USP25: variants seen among roughly 807,000 people sequenced by gnomAD.
The protein encoded by USP25 is ubiquitin specific peptidase 25, also known as ubiquitin carboxyl-terminal hydrolase 25.
Under a neutral mutation model 158.5 loss-of-function variants are expected in USP25, and 85 were observed. The ratio of observed to expected loss-of-function variants is 0.54; its 90% CI spans 0.45 to 0.64. The LOEUF is 0.64. Ranked by LOEUF, USP25 falls within the 30% of genes least tolerant of loss-of-function variation. USP25 has a pLI of 0.00. For synonymous variants in USP25, 464 were observed against 460.4 expected (o/e 1.01, Z -0.10); for missense variants, 1,242 against 1,327.3 (o/e 0.94, Z 1.00).
At chr21:15,796,712 T>C (rs994093812) in intron 5 of USP25, among the ~76,000 whole-genome samples, 13 of 151,426 alleles carry the variant, frequency 8.6e-5, no homozygotes, top group African/African-American at 3.1e-4. Flanking sequence ...TCTCCCTGCC[T>C]GCCAGAGCAA....
At position 15,877,786 on chromosome 21, in the gene USP25, T is replaced by C; in HGVS notation, c.3010-10T>C. On this transcript the variant is annotated splice_polypyrimidine_tract_variant and intron_variant, in intron 24 of 25. Transcript: ENST00000400183. ...AACCTATTCTTTTTTTTTTCCTGCA[T>C]TGCATTAAGAAATTAAATGAGCAAG... 1 of 1,577,240 alleles carries C rather than the reference T, an allele frequency of 6.3e-7. No homozygotes were observed. Among genetic ancestry groups the C allele is most frequent in the Non-Finnish European group, 8.6e-7 (1 of 1,164,284 alleles).
At chr21:15,827,303 T>C (rs1352129775) in intron 14 of USP25, 100 bp downstream of exon 14, 1 of 1,011,666 alleles carries the variant, frequency 9.9e-7, no homozygotes, top group South Asian at 1.7e-5. Flanking sequence ...TATTTAAATA[T>C]TATAGTCATT....
chr21:15,741,230 A>C (rs996301053), intron 1 of USP25, among the ~76,000 whole-genome samples: 2 of 150,530 alleles, frequency 1.3e-5, no homozygotes, highest in African/African-American at 4.9e-5. Context: ...TCTTTTTACT[A>C]TGGAGTAATA....
At chr21:15,841,499 T>G (rs560154037) in intron 17 of USP25, among the ~76,000 whole-genome samples, 1 of 152,216 alleles carries the variant, frequency 6.6e-6, no homozygotes, top group African/African-American at 2.4e-5. Context: ...ATATTATTCT[T>G]TTTTTTGAAT....
intron 14 of USP25, among the ~76,000 whole-genome samples, 177 bp from the exon 15 acceptor site, chr21:15,830,354 T>C (rs2037736100): frequency 6.6e-6 from 1 of 152,180 alleles, no homozygotes; most frequent in Non-Finnish European, 1.5e-5. Flanking sequence ...ACTGTGTCTT[T>C]TATTAAGAAT....
At position 15,831,259 on chromosome 21, in the gene USP25, T is replaced by G. The variant is rs1196612170; in HGVS notation, c.1765-142T>G. ...TTATAGTTTAGTTTTTTTCAAACTT[T>G]TAAGCCCAGCCAGTTCTCTCTCATT... On this transcript the variant is annotated intron_variant, in intron 15 of 25. Coordinates refer to ENST00000400183, the MANE Select transcript of USP25 (RefSeq NM_001283041.3). The G allele has an allele frequency of 5.6e-6, 4 of 714,572 alleles. No individual in the cohort carries two copies. In the African/African-American group the frequency reaches 7.2e-5, roughly 13 times the overall value. 44.3% of individuals were successfully genotyped at this position (714,572 alleles called of 1,614,324 possible).
intron 22 of USP25, 103 bp from the exon 23 acceptor site, chr21:15,869,965 A>G (rs996961763): frequency 3.9e-5 from 31 of 790,826 alleles, no homozygotes; most frequent in South Asian, 1.0e-4. Context: ...CTTTATTTCT[A>G]TTAATTCAGA....
intron 5 of USP25, among the ~76,000 whole-genome samples, chr21:15,797,149 G>C (rs890134867): frequency 2.0e-5 from 3 of 151,266 alleles, no homozygotes; most frequent in African/African-American, 7.3e-5. Flanking sequence ...CTTTGGATAT[G>C]GTGAGTAGTA....
At chr21:15,866,224 C>A in intron 21 of USP25, 42 bp from the exon 22 acceptor site, 2 of 1,268,290 alleles carry the variant, frequency 1.6e-6, no homozygotes, top group East Asian at 2.6e-5. Flanking sequence ...TATATATACA[C>A]ACACATACAC....
chr21:15,793,238 A>G (rs146098848), intron 5 of USP25, among the ~76,000 whole-genome samples: 37 of 151,732 alleles, frequency 2.4e-4, no homozygotes, highest in African/African-American at 8.9e-4. Context: ...GTATTTGTAA[A>G]TAATATTGTT....
chr21:15,815,627 G>A (rs1276833535), intron 9 of USP25, among the ~76,000 whole-genome samples: 1 of 152,108 alleles, frequency 6.6e-6, no homozygotes, highest in African/African-American at 2.4e-5. Flanking sequence ...CTGCCCTGTT[G>A]GATTTCAGAC....
chr21:15,857,970 T>C (rs2039238513), intron 20 of USP25, among the ~76,000 whole-genome samples: 1 of 151,920 alleles, frequency 6.6e-6, no homozygotes, highest in Admixed American at 6.6e-5. Context: ...AAATCCCTTA[T>C]CAGGGATTTA....
At chr21:15,800,917 T>G (rs1337606643) in intron 6 of USP25, among the ~76,000 whole-genome samples, 1 of 151,486 alleles carries the variant, frequency 6.6e-6, no homozygotes, top group Non-Finnish European at 1.5e-5. Flanking sequence ...GGCTGTAGAG[T>G]GTCAGGCTGA....
intron 22 of USP25, among the ~76,000 whole-genome samples, chr21:15,867,516 A>C (rs2039708061): frequency 6.6e-6 from 1 of 152,164 alleles, no homozygotes; most frequent in Non-Finnish European, 1.5e-5. Context: ...TGAAAGCTTA[A>C]AATTTTTGTT....
chr21:15,738,557 G>T (rs1202113291), intron 1 of USP25, among the ~76,000 whole-genome samples: 1 of 152,098 alleles, frequency 6.6e-6, no homozygotes, highest in Non-Finnish European at 1.5e-5. Flanking sequence ...TTTGTTATTG[G>T]TGTATGCAAA....
intron 7 of USP25, among the ~76,000 whole-genome samples, chr21:15,805,907 G>A (rs868332300): frequency 2.6e-5 from 4 of 152,214 alleles, no homozygotes; most frequent in Non-Finnish European, 5.9e-5. Context: ...TAAGCTTGCA[G>A]CGTTGTTTTT....
intron 1 of USP25, among the ~76,000 whole-genome samples, chr21:15,743,764 A>G (rs1044624183): frequency 2.6e-5 from 4 of 151,898 alleles, no homozygotes; most frequent in Admixed American, 1.3e-4. Context: ...GAGTTGGTCT[A>G]CTGTGGCGCC....
chr21:15,874,741 A>G (rs919824219), intron 24 of USP25, among the ~76,000 whole-genome samples: 6 of 152,176 alleles, frequency 3.9e-5, no homozygotes, highest in African/African-American at 1.2e-4. Flanking sequence ...GATAAATGAG[A>G]AATGTTCTTA....
rs1313348173 is a variant in USP25 at position 15,816,536 on chromosome 21, G to T, written c.932-2162G>T. 6.6e-6 allele frequency among the ~76,000 whole-genome samples: 1 copy of T among 151,988 alleles called. No individual in the cohort carries two copies. The highest frequency in any genetic ancestry group is 1.5e-5 in the Non-Finnish European group (1 of 68,010). On this transcript the variant is annotated intron_variant, in intron 9 of 25. Transcript: ENST00000400183. The surrounding 1 kb of genome is among the most constrained non-coding windows in gnomAD (Gnocchi z 4.0). ...TTCCTGCCTCAGTGGGTACTTCTAA[G>T]AAAAGTTGTATTTATAGTCTCTTTT... is the stretch of plus-strand genomic sequence containing the variant.
Sources: allele counts gnomAD v4.1 joint callset (sites outside exome capture counted in the v4.1 genomes callset), GRCh38; gene constraint gnomAD v4.1.1; non-coding constraint Gnocchi (gnomAD v3.1); transcripts MANE v1.5; gene names NCBI Gene and HGNC (gene_info 2026-07-23, HGNC 2026-07-21).